The following ERI3 variants were observed in gnomAD, a reference collection of about 807,000 sequenced individuals.
ERI3 encodes ERI1 exoribonuclease 3.
Under a neutral mutation model 44.4 loss-of-function variants are expected in ERI3, and 18 were observed. The ratio of observed to expected loss-of-function variants is 0.41; its 90% confidence interval spans 0.28 to 0.60. The LOEUF (loss-of-function observed/expected upper bound fraction) is 0.60. Among genes scored for constraint, ERI3 ranks in the 20% least tolerant of loss-of-function variants. The pLI, the probability that ERI3 is intolerant of heterozygous loss-of-function variation, is 0.36. For missense variants in ERI3, 294 were observed against 435.5 expected (o/e 0.68, Z 2.89); for synonymous variants, 183 against 164.8 (o/e 1.11, Z -0.84).
rs145827555 is a variant in ERI3, at chr1:44,315,611, T to C, written c.607-2383A>G. Among the ~76,000 whole-genome samples, 480 of 152,340 alleles carry C rather than the reference T, an allele frequency of 3.2e-3. 3 individuals carry two copies. The highest frequency in any genetic ancestry group is 0.011 in the African/African-American group (457 of 41,578). On this transcript the variant is annotated intron_variant, in intron 4 of 8. Transcript: ENST00000372257. ...TCAGCCTGGGAGGAGCCTAGTGAGG[T>C]CAGCTCCTTCTCTCACCATGCTTCC...
chr1:44,279,109 G>A (rs1169522302), intron 7 of ERI3, among the ~76,000 whole-genome samples: 6 of 152,168 alleles, frequency 3.9e-5, no homozygotes, highest in East Asian at 1.9e-4. Context: ...TCTGTATCTC[G>A]CAAATGTTGG....
chr1:44,281,446 G>A (rs750212936), intron 7 of ERI3, among the ~76,000 whole-genome samples: 38 of 151,818 alleles, frequency 2.5e-4, no homozygotes, highest in Middle Eastern at 3.4e-3. Flanking sequence ...AAATTAGCCA[G>A]GCATAATGGT....
intron 7 of ERI3, among the ~76,000 whole-genome samples, chr1:44,277,946 A>G (rs1645211453): frequency 1.3e-5 from 2 of 152,268 alleles, no homozygotes; most frequent in Non-Finnish European, 2.9e-5. Context: ...CAATAGAAAT[A>G]TAATGTGAGC....
Position 44,241,950 on chromosome 1 carries a change from A to G in ERI3, c.931+5989T>C. ...AGCCATTCTTCCATCTATGGTTGCT[A>G]CTGAAGAACAGTCTGGTGTCTGGCA... On this transcript the variant is annotated intron_variant, in intron 8 of 8. Transcript: ENST00000372257. The surrounding 1 kb of genome is among the most constrained non-coding windows in gnomAD (Gnocchi z 5.6). 2.0e-6 allele frequency: 2 copies of G among 985,680 alleles called. No homozygotes were observed. The highest frequency in any genetic ancestry group is 1.2e-6 in the Non-Finnish European group (1 of 829,934). 61.1% of individuals were successfully genotyped at this position (985,680 alleles called of 1,614,324 possible).
intron 3 of ERI3, among the ~76,000 whole-genome samples, chr1:44,320,768 CA>C (rs1012790128): frequency 4.7e-5 from 7 of 148,318 alleles, no homozygotes; most frequent in South Asian, 2.1e-4. Context: ...GTTTACAACA[CA>C]AAAAAAAACT....
chr1:44,260,210 A>G (rs1644866182), intron 7 of ERI3, among the ~76,000 whole-genome samples: 1 of 152,194 alleles, frequency 6.6e-6, no homozygotes, highest in Non-Finnish European at 1.5e-5. Context: ...GAAACCAGTA[A>G]TGGCCCATAA....
intron 3 of ERI3, among the ~76,000 whole-genome samples, chr1:44,323,812 G>A (rs551975129): frequency 5.9e-5 from 9 of 152,268 alleles, no homozygotes; most frequent in African/African-American, 2.2e-4. Context: ...TGCTTGTGAG[G>A]GACAGAGCTG....
At chr1:44,245,977 T>C (rs1483401170) in intron 8 of ERI3, among the ~76,000 whole-genome samples, 1 of 152,206 alleles carries the variant, frequency 6.6e-6, no homozygotes, top group Non-Finnish European at 1.5e-5. Context: ...ACCACCCATA[T>C]GCATTTATTG....
intron 2 of ERI3, among the ~76,000 whole-genome samples, chr1:44,351,903 G>A (rs115937285): frequency 7.0e-4 from 106 of 152,088 alleles, no homozygotes; most frequent in African/African-American, 2.3e-3. Context: ...CTTCCTCTGA[G>A]AGGCCTTCCC....
chr1:44,342,135 T>C (rs751042463), intron 2 of ERI3, among the ~76,000 whole-genome samples: 1 of 151,384 alleles, frequency 6.6e-6, no homozygotes, highest in Non-Finnish European at 1.5e-5. Flanking sequence ...ACGGGTGGAG[T>C]AGGGTGAGCC....
intron 7 of ERI3, among the ~76,000 whole-genome samples, chr1:44,259,689 GACACACACACACACACAC>G (rs58901342): frequency 7.1e-6 from 1 of 140,282 alleles, no homozygotes; most frequent in Non-Finnish European, 1.5e-5. Context: ...AAAACACACA[GACACACACACACACACAC>G]ACACACACAC....
chr1:44,251,453 T>C (rs1292652826), intron 7 of ERI3, among the ~76,000 whole-genome samples: 5 of 152,244 alleles, frequency 3.3e-5, no homozygotes, highest in Admixed American at 6.5e-5. Flanking sequence ...TCATGGGCTA[T>C]GTCTCAGAGA....
rs1165984448 is a variant in ERI3, at chr1:44,268,724, C to G, written c.831+16111G>C. Among the ~76,000 whole-genome samples, 6 of 152,290 alleles carry G rather than the reference C, an allele frequency of 3.9e-5. No individual in the cohort carries two copies. The South Asian group carries it at 1.2e-3, about 32-fold the overall frequency. ...GTGAACACACATCCAGCTACTTTTC[C>G]TAGTCTCTACCTGGGCATCACTTGG... On this transcript the variant is annotated intron_variant, in intron 7 of 8. Transcript: ENST00000372257.
At position 44,252,441 on chromosome 1, in the gene ERI3, G is replaced by A. The variant is rs1288803825; in HGVS notation, c.832-4403C>T. ...CGCATAGCCCTGCTGTAGGTGCGGC[G>A]GGTGGCCCCCTGTGTAACAGGGAGC... On this transcript the variant is annotated intron_variant, in intron 7 of 8. Coordinates refer to ENST00000372257, the MANE Select transcript of ERI3 (RefSeq NM_024066.3). This position sits in a 1 kb window ranked among gnomAD's most constrained non-coding sequence, Gnocchi z 4.7. 6.6e-6 allele frequency among the ~76,000 whole-genome samples: 1 copy of A among 152,210 alleles called. No individual in the cohort carries two copies. Among genetic ancestry groups the A allele is most frequent in the East Asian group, 1.9e-4 (1 of 5,188 alleles).
intron 4 of ERI3, among the ~76,000 whole-genome samples, chr1:44,317,141 C>G (rs1024853699): frequency 9.9e-6 from 1 of 100,692 alleles, no homozygotes; most frequent in Non-Finnish European, 2.0e-5. Context: ...TACGCATGTG[C>G]GTGCACACAC....
intron 1 of ERI3, chr1:44,353,460 T>G: frequency 1.0e-6 from 1 of 985,418 alleles, no homozygotes; most frequent in Non-Finnish European, 1.2e-6. Flanking sequence ...TTTCAACTAA[T>G]TCATATCCTC....
At chr1:44,353,172 G>A (rs901703485) in intron 1 of ERI3, 16 of 985,184 alleles carry the variant, frequency 1.6e-5, no homozygotes, top group African/African-American at 1.2e-4. Context: ...AACATTTACC[G>A]AGAAAGATAG....
chr1:44,318,241 C>T (rs1256665386), intron 4 of ERI3, among the ~76,000 whole-genome samples: 1 of 152,154 alleles, frequency 6.6e-6, no homozygotes, highest in African/African-American at 2.4e-5. Context: ...AGGTAGCAAA[C>T]TTACTAAAAT....
intron 3 of ERI3, among the ~76,000 whole-genome samples, chr1:44,332,884 C>G (rs1183980435): frequency 6.6e-6 from 1 of 152,222 alleles, no homozygotes; most frequent in Non-Finnish European, 1.5e-5. Context: ...ACAAAAAAGA[C>G]AAAGGGGCCT....
Sources: gnomAD v4.1 joint callset for allele counts (sites outside exome capture counted in the v4.1 genomes callset) on GRCh38, gnomAD v4.1.1 for gene constraint, Gnocchi (gnomAD v3.1) non-coding constraint, MANE v1.5 for transcripts, NCBI Gene and HGNC (gene_info 2026-07-23, HGNC 2026-07-21) for gene names.